ABCD2: variants seen among roughly 807,000 people sequenced by gnomAD.
ABCD2 encodes ATP binding cassette subfamily D member 2.
In ABCD2, 36 loss-of-function variants were observed where a neutral mutation model predicts 70.9. The ratio of observed to expected loss-of-function variants is 0.51; its 90% confidence interval spans 0.39 to 0.67. ABCD2 has a LOEUF of 0.67. ABCD2 is among the 30% of genes least tolerant of loss of function. ABCD2 has a pLI of 0.00. For missense variants in ABCD2, 729 were observed against 890.2 expected, an observed-to-expected ratio of 0.82 and a Z score of 2.30; for synonymous variants, 304 against 306.9, an observed-to-expected ratio of 0.99 and a Z score of 0.10.
chr12:39,561,234 A>G (rs977951632), intron 9 of ABCD2, among the ~76,000 whole-genome samples: 1 of 79,398 alleles, frequency 1.3e-5, no homozygotes, highest in Non-Finnish European at 2.5e-5. Context: ...CGTCTCTACT[A>G]AAAAAAAAAA....
the ABCD2 span, among the ~76,000 whole-genome samples, chr12:39,534,735 G>GGAAGGAAGGAAAA: frequency 9.3e-5 from 9 of 97,050 alleles, no homozygotes; most frequent in African/African-American, 3.5e-4. Flanking sequence ...AGGAAAAGAA[G>GGAAGGAAGGAAAA]GAAGGAAGGA....
At chr12:39,593,694 T>C (rs1941776651) in intron 6 of ABCD2, among the ~76,000 whole-genome samples, 1 of 152,178 alleles carries the variant, frequency 6.6e-6, no homozygotes, top group African/African-American at 2.4e-5. Context: ...GTCTTCACTG[T>C]TGCAAGCGAC....
At chr12:39,559,238 GGT>G (rs901784745) in intron 9 of ABCD2, among the ~76,000 whole-genome samples, 1 of 151,890 alleles carries the variant, frequency 6.6e-6, no homozygotes, top group African/African-American at 2.4e-5. Context: ...CCAGCGTGGT[GGT>G]GTGTGCCTGT....
chr12:39,541,073 C>G, the ABCD2 span, among the ~76,000 whole-genome samples: 1 of 151,912 alleles, frequency 6.6e-6, no homozygotes, highest in Admixed American at 6.6e-5. Context: ...AGGCAAAAGG[C>G]TAGGAGAAAA....
At chr12:39,603,499 A>T (rs1426342056) in intron 5 of ABCD2, among the ~76,000 whole-genome samples, 1 of 152,242 alleles carries the variant, frequency 6.6e-6, no homozygotes, top group African/African-American at 2.4e-5. Context: ...TATTTTAAAA[A>T]TTTAAGTCAC....
At chr12:39,555,060 C>T (rs1941141753) in intron 9 of ABCD2, among the ~76,000 whole-genome samples, 1 of 151,992 alleles carries the variant, frequency 6.6e-6, no homozygotes. Context: ...ATTCACATAC[C>T]ATAAGTTCAT....
chr12:39,546,165 T>C (rs1054303953), downstream of ABCD2, among the ~76,000 whole-genome samples: 4 of 152,132 alleles, frequency 2.6e-5, no homozygotes, highest in Non-Finnish European at 5.9e-5. Flanking sequence ...CTGCACATTA[T>C]AATTTTACCT....
chr12:39,551,486 T>C lies in ABCD2; in HGVS notation c.*2426A>G, dbSNP rs2120504997. The C allele has an allele frequency of 6.6e-6, 1 of 151,878 alleles. No homozygotes were observed. Among genetic ancestry groups the C allele is most frequent in the South Asian group, 2.1e-4 (1 of 4,826 alleles). 9.4% of individuals were successfully genotyped at this position (151,878 alleles called of 1,614,324 possible). ...AGAGTAGTAAAATATGGTATACCCA[T>C]TGGACCATTTGGAAACAATTGAATG... On this transcript the variant is annotated 3_prime_UTR_variant, in exon 10 of 10. Transcript: ENST00000308666.
At chr12:39,607,106 C>T (rs1187220392) in intron 3 of ABCD2, among the ~76,000 whole-genome samples, 2 of 151,912 alleles carry the variant, frequency 1.3e-5, no homozygotes, top group Non-Finnish European at 2.9e-5. Context: ...TAAAAGTTTG[C>T]GAGATATATA....
chr12:39,614,173 G>T (rs935150876), intron 2 of ABCD2, among the ~76,000 whole-genome samples: 4 of 152,134 alleles, frequency 2.6e-5, no homozygotes, highest in African/African-American at 9.7e-5. Flanking sequence ...TTTGCCCAGG[G>T]TCACAGTCTA....
the ABCD2 span, among the ~76,000 whole-genome samples, chr12:39,534,811 G>A: frequency 2.3e-5 from 3 of 130,146 alleles, no homozygotes; most frequent in African/African-American, 6.1e-5. Flanking sequence ...AGAAAGAAAA[G>A]AAAGGAAGGA....
chr12:39,555,133 T>C (rs940201837), intron 9 of ABCD2, among the ~76,000 whole-genome samples: 1 of 152,170 alleles, frequency 6.6e-6, no homozygotes, highest in Non-Finnish European at 1.5e-5. Flanking sequence ...CCATCACCAG[T>C]AATTTCAGAA....
downstream of ABCD2, among the ~76,000 whole-genome samples, chr12:39,548,144 A>G (rs1941044401): frequency 2.0e-5 from 3 of 152,116 alleles, no homozygotes; most frequent in Non-Finnish European, 4.4e-5. Context: ...CTCAGTTCCC[A>G]GTCAGCCACT....
At chr12:39,539,076 C>G in the ABCD2 span, among the ~76,000 whole-genome samples, 530 of 152,282 alleles carry the variant, frequency 3.5e-3, no homozygotes, top group Non-Finnish European at 5.7e-3. Flanking sequence ...CGAACTTACA[C>G]AAGAACCCTT....
the ABCD2 span, among the ~76,000 whole-genome samples, chr12:39,537,138 C>A: frequency 6.6e-6 from 1 of 152,114 alleles, no homozygotes; most frequent in East Asian, 1.9e-4. Context: ...ATTTCCTAGA[C>A]CCCCTCCGCA....
intron 9 of ABCD2, among the ~76,000 whole-genome samples, chr12:39,573,086 T>C (rs1941470281): frequency 6.6e-6 from 1 of 152,134 alleles, no homozygotes; most frequent in Admixed American, 6.6e-5. Flanking sequence ...CACAGGGTTG[T>C]TGTGAGGCTT....
the ABCD2 span, among the ~76,000 whole-genome samples, chr12:39,532,391 A>G: frequency 1.3e-5 from 2 of 152,224 alleles, no homozygotes; most frequent in Non-Finnish European, 2.9e-5. Flanking sequence ...ATAATCACAC[A>G]AATACAAAGT....
At chr12:39,534,685 AGGAAGGAAGGAAGGAC>A in the ABCD2 span, among the ~76,000 whole-genome samples, 1 of 84,576 alleles carries the variant, frequency 1.2e-5, no homozygotes, top group African/African-American at 4.7e-5. Flanking sequence ...GAGGGAAGGA[AGGAAGGAAGGAAGGAC>A]GGAAGGAAGG....
intron 2 of ABCD2, among the ~76,000 whole-genome samples, chr12:39,609,060 G>A (rs887612569): frequency 6.6e-6 from 1 of 152,078 alleles, no homozygotes; most frequent in South Asian, 2.1e-4. Context: ...GTCTCTTTCA[G>A]TGGACTATAA....
Sources: gnomAD v4.1 joint callset for allele counts (sites outside exome capture counted in the v4.1 genomes callset) on GRCh38, gnomAD v4.1.1 for gene constraint, MANE v1.5 for transcripts, NCBI Gene and HGNC (gene_info 2026-07-23, HGNC 2026-07-21) for gene names.